The following HOXB6 variants were observed in gnomAD, a reference collection of about 807,000 sequenced individuals.
HOXB6 encodes homeobox protein Hox-B6.
A neutral mutation model predicts 24.2 loss-of-function variants in HOXB6; 18 were observed. The observed-to-expected ratio is 0.74, with a 90% confidence interval of 0.51 to 1.10. The LOEUF is 1.10. HOXB6 is among the 50% of genes least tolerant of loss of function. The probability of loss-of-function intolerance (pLI) is 0.00; values close to 1 mark genes in which losing one functional copy is unlikely to be tolerated. For synonymous variants in HOXB6, 159 were observed against 139.1 expected (o/e 1.14, Z -1.01); for missense variants, 332 against 308.3 (o/e 1.08, Z -0.58).
At position 48,597,874 on chromosome 17, in the gene HOXB6, C is replaced by T. The variant is rs764651190; in HGVS notation, c.277G>A (p.Ala93Thr). 6.3e-7 allele frequency: 1 copy of T among 1,591,130 alleles called. No homozygotes were observed. The highest frequency in any genetic ancestry group is 2.3e-5 in the East Asian group (1 of 43,366). The change falls in exon 3 of 4, where the codon GCC (alanine) becomes ACC (threonine). Residue 93 changes from alanine to threonine, a missense_variant. By Grantham distance (58) the Ala-to-Thr change is moderately conservative. Transcript: ENST00000225648. The stretch of plus-strand genomic sequence containing the variant: ...GGGTGGAACGGGGGCTGCTCGTCGG[C>T]GCCGGAGAGTGCGCAGGCCGACTCT... ...EKESACALSG[A>T]DEQPPFHPEP...
chr17:48,597,608 C>A, intron 3 of HOXB6, 128 bp downstream of exon 3: 1 of 1,022,878 alleles, frequency 9.8e-7, no homozygotes. Context: ...CAATCTTCTT[C>A]TATCTCCTAA....
chr17:48,600,427 A>G, intron 2 of HOXB6: 1 of 455,182 alleles, frequency 2.2e-6, no homozygotes, highest in Non-Finnish European at 4.4e-6. Flanking sequence ...ACAGCCCCCA[A>G]ATTAACCTCA....
rs750755439 is a variant in HOXB6, at chr17:48,597,958, C to T, written c.193G>A (p.Gly65Ser). The T allele has an allele frequency of 1.3e-6, 2 of 1,574,474 alleles. No homozygotes were observed. Among genetic ancestry groups the T allele is most frequent in the Admixed American group, 1.9e-5 (1 of 54,032 alleles). ...TSSYYPPAGG[G>S]YGRAAPCDYG... The stretch of plus-strand genomic sequence containing the variant: ...TCGCAGGGCGCCGCTCGGCCGTAGC[C>T]ACCGCCCGCCGGCGGGTAATAGGAG... Residue 65 changes from glycine (G) to serine (S), a missense_variant, in exon 3 of 4, where the codon GGC (glycine) becomes AGC (serine). Physicochemically the swap from Gly to Ser is moderately conservative, Grantham distance 56. Transcript: ENST00000225648.
Position 48,597,698 on chromosome 17 carries a change from G to T in HOXB6, c.415+38C>A, listed in dbSNP as rs1198968023. The T allele has an allele frequency of 3.7e-6, 6 of 1,602,826 alleles. No individual in the cohort carries two copies. In the South Asian group the frequency reaches 5.6e-5, roughly 15 times the overall value. On this transcript the variant is annotated intron_variant, in intron 3 of 3. Transcript: ENST00000225648. ...TTCTGTGTCCCGGGGTGGGCGCCCA[G>T]GGGAGCCGGGGCGACGGCGACGGGA...
intron 3 of HOXB6, among the ~76,000 whole-genome samples, chr17:48,597,367 C>T (rs2070329847): frequency 2.0e-5 from 3 of 152,170 alleles, no homozygotes; most frequent in African/African-American, 7.2e-5. Flanking sequence ...ATGGAGCCGT[C>T]TTTGGTTGGG....
rs2070267855 is a variant in HOXB6, at chr17:48,595,826, ATCATCG to A, written c.*581_*586del. 1 of 228,102 alleles carries A rather than the reference ATCATCG, an allele frequency of 4.4e-6. No individual in the cohort carries two copies. The highest frequency in any genetic ancestry group is 2.3e-5 in the African/African-American group (1 of 42,840). The allele number at this position is 228,102 out of a possible 1,614,324, so 14.1% of individuals were successfully genotyped here. On this transcript the variant is annotated 3_prime_UTR_variant, in exon 4 of 4. Transcript: ENST00000225648. ...TATTATCATCATCATCATCATCATC[ATCATCG>A]AAGTATTTCACGTCCAGAGCTAAGA...
Position 48,596,194 on chromosome 17 carries a change from G to A in HOXB6, c.*219C>T. The A allele has an allele frequency of 1.4e-6, 1 of 719,772 alleles. No individual in the cohort carries two copies. The highest frequency in any genetic ancestry group is 1.5e-5 in the South Asian group (1 of 68,232). 44.6% of individuals were successfully genotyped at this position (719,772 alleles called of 1,614,324 possible). A position where few individuals can be genotyped will look rare whatever the true frequency, so the allele number is the denominator to read the frequency against. ...GGCGAGTTCCTCGGGAAGGAAGGGC[G>A]CGCGGGATGCTGGGTGGGCTCGAGT... On this transcript the variant is annotated 3_prime_UTR_variant, in exon 4 of 4. Coordinates refer to ENST00000225648, the MANE Select transcript of HOXB6 (RefSeq NM_018952.5). The surrounding 1 kb of genome is among the most constrained non-coding windows in gnomAD (Gnocchi z 4.8).
rs1464933211 is a variant in HOXB6 at position 48,596,198 on chromosome 17, G to A, written c.*215C>T. On this transcript the variant is annotated 3_prime_UTR_variant, in exon 4 of 4. Coordinates refer to ENST00000225648, the MANE Select transcript of HOXB6 (RefSeq NM_018952.5). This position sits in a 1 kb window ranked among gnomAD's most constrained non-coding sequence, Gnocchi z 4.8. The stretch of plus-strand genomic sequence containing the variant: ...AGTTCCTCGGGAAGGAAGGGCGCGC[G>A]GGATGCTGGGTGGGCTCGAGTAGTG... The A allele has an allele frequency of 1.4e-6, 1 of 729,694 alleles. No individual in the cohort carries two copies. Among genetic ancestry groups the A allele is most frequent in the Non-Finnish European group, 2.4e-6 (1 of 409,506 alleles). The allele number at this position is 729,694 out of a possible 1,614,324, so 45.2% of individuals were successfully genotyped here. A position where few individuals can be genotyped will look rare whatever the true frequency, so the allele number is the denominator to read the frequency against.
In HOXB6 at chr17:48,598,098, T is replaced by G. The variant is rs1207024373; in HGVS notation, c.53A>C (p.Gln18Pro). Residue 18 changes from glutamine (Q) to proline (P), a missense_variant, in exon 3 of 4, where the codon CAG becomes CCG. By Grantham distance (76) the Gln-to-Pro change is moderately conservative. Transcript: ENST00000225648. ...STFPVTLASG[Q>P]ESFLGQLPLY... is the part of the protein sequence containing the mutation. ...CGGTAGCTGGCCCAGGAAGGACTCC[T>G]GCCCGCTGGCCAGAGTGACGGGGAA... The G allele has an allele frequency of 6.2e-7, 1 of 1,602,276 alleles. No homozygotes were observed. Among genetic ancestry groups the G allele is most frequent in the Admixed American group, 1.7e-5 (1 of 59,362 alleles).
At chr17:48,602,345 G>A (rs2070488557) in intron 2 of HOXB6, 1 of 399,638 alleles carries the variant, frequency 2.5e-6, no homozygotes, top group Non-Finnish European at 5.0e-6. Context: ...GGCTTCGGAT[G>A]TCTCAAGCGG....
Position 48,596,961 on chromosome 17 carries a change from G to T in HOXB6, c.416-289C>A, listed in dbSNP as rs2070315630. On this transcript the variant is annotated intron_variant, in intron 3 of 3. Coordinates refer to ENST00000225648, the MANE Select transcript of HOXB6 (RefSeq NM_018952.5). This position sits in a 1 kb window ranked among gnomAD's most constrained non-coding sequence, Gnocchi z 4.8. ...GTGTGTCTCTTCCTAGTTGCATCTT[G>T]TCTTTCCCTCCCTTTCCATCCATCT... 7.6e-7 allele frequency: 1 copy of T among 1,322,870 alleles called. No homozygotes were observed. The highest frequency in any genetic ancestry group is 9.7e-7 in the Non-Finnish European group (1 of 1,027,186). The allele number at this position is 1,322,870 out of a possible 1,614,324, so 81.9% of individuals were successfully genotyped here. A position where few individuals can be genotyped will look rare whatever the true frequency, so the allele number is the denominator to read the frequency against.
chr17:48,602,859 G>C (rs1230570575), intron 2 of HOXB6, among the ~76,000 whole-genome samples: 1 of 152,242 alleles, frequency 6.6e-6, no homozygotes, highest in Non-Finnish European at 1.5e-5. Flanking sequence ...GTATGGGTGG[G>C]TTTGGGAAAT....
Position 48,598,002 on chromosome 17 carries a change from TCCTGGCCCGGC to T in HOXB6, c.138_148del (p.Pro47GlnfsTer265). Reference sequence around the variant, plus strand: ...ATAGGAGGAAGTGGCAAAGCCCTTGTCCTGGCCCGGCCCTGGCCCGTAGGGCGCGGGGTAAT... The same window carrying T: ...ATAGGAGGAAGTGGCAAAGCCCTTGTCCTGGCCCGTAGGGCGCGGGGTAAT... On this transcript the variant is annotated frameshift_variant, in exon 3 of 4. Coordinates refer to ENST00000225648, the MANE Select transcript of HOXB6 (RefSeq NM_018952.5). LOFTEE classifies it high-confidence loss of function. 1.3e-6 allele frequency: 2 copies of T among 1,594,732 alleles called. No individual in the cohort carries two copies. The highest frequency in any genetic ancestry group is 1.7e-6 in the Non-Finnish European group (2 of 1,170,958).
At chr17:48,597,710 C>T (rs767182042) in intron 3 of HOXB6, 26 bp downstream of exon 3, 1 of 1,608,622 alleles carries the variant, frequency 6.2e-7, no homozygotes, top group South Asian at 1.1e-5. Flanking sequence ...GGAGCCGGGG[C>T]GACGGCGACG....
chr17:48,597,713 C>G (rs1597873608), intron 3 of HOXB6, 23 bp downstream of exon 3: 6 of 1,609,318 alleles, frequency 3.7e-6, no homozygotes, highest in Admixed American at 1.7e-5. Flanking sequence ...GCCGGGGCGA[C>G]GGCGACGGGA....
At chr17:48,600,518 G>A (rs1032093874) in intron 2 of HOXB6, 13 of 455,744 alleles carry the variant, frequency 2.9e-5, no homozygotes, top group Non-Finnish European at 4.0e-5. Context: ...AGAAAATAGC[G>A]CCTCATCGCT....
At chr17:48,598,774 AAAG>A (rs2070386971) in intron 2 of HOXB6, among the ~76,000 whole-genome samples, 2 of 152,208 alleles carry the variant, frequency 1.3e-5, no homozygotes, top group Non-Finnish European at 1.5e-5. Flanking sequence ...TAAGATAAGC[AAAG>A]AAGAAACACC....
intron 2 of HOXB6, chr17:48,601,856 C>T (rs753140348): frequency 4.0e-5 from 10 of 252,278 alleles, no homozygotes; most frequent in African/African-American, 9.1e-5. Flanking sequence ...CTTCCTCCTA[C>T]GGCTTGAAAG....
In HOXB6 at chr17:48,598,011, G is replaced by C; in HGVS notation, c.140C>G (p.Pro47Arg). The C allele has an allele frequency of 6.3e-7, 1 of 1,596,372 alleles. No individual in the cohort carries two copies. Among genetic ancestry groups the C allele is most frequent in the Non-Finnish European group, 8.5e-7 (1 of 1,171,780 alleles). Residue 47 changes from proline to arginine, a missense_variant, in exon 3 of 4, where the codon CCG (proline) becomes CGG (arginine). Coordinates refer to ENST00000225648, the MANE Select transcript of HOXB6 (RefSeq NM_018952.5). ...AGTGGCAAAGCCCTTGTCCTGGCCC[G>C]GCCCTGGCCCGTAGGGCGCGGGGTA... is the stretch of plus-strand genomic sequence containing the variant. ...RHYPAPYGPG[P>R]GQDKGFATSS...
Sources: allele counts gnomAD v4.1 joint callset (sites outside exome capture counted in the v4.1 genomes callset), GRCh38; gene constraint gnomAD v4.1.1; non-coding constraint Gnocchi (gnomAD v3.1); transcripts MANE v1.5; gene names NCBI Gene and HGNC (gene_info 2026-07-23, HGNC 2026-07-21).